ME1: variants seen among roughly 807,000 people sequenced by gnomAD.
The protein encoded by ME1 is NADP-dependent malic enzyme.
A neutral mutation model predicts 66.4 loss-of-function variants in ME1; 74 were observed. The ratio of observed to expected loss-of-function variants is 1.11; its 90% CI spans 0.92 to 1.35. ME1 has a LOEUF of 1.35. Ranked by LOEUF, ME1 falls within the 40% of genes most tolerant of loss-of-function variation. The pLI, the probability that ME1 is intolerant of heterozygous loss-of-function variation, is 0.00. For synonymous variants in ME1, 251 were observed against 235.6 expected (o/e 1.07, Z -0.60); for missense variants, 750 against 694.1 (o/e 1.08, Z -0.90).
At chr6:83,349,507 A>G (rs1346425776) in intron 4 of ME1, among the ~76,000 whole-genome samples, 1 of 152,222 alleles carries the variant, frequency 6.6e-6, no homozygotes. Context: ...CTGAATAGAA[A>G]CTTCTGTATG....
intron 4 of ME1, 138 bp downstream of exon 4, chr6:83,351,926 G>A: frequency 2.1e-6 from 1 of 468,050 alleles, no homozygotes; most frequent in Non-Finnish European, 3.8e-6. Flanking sequence ...AAATCAAAGG[G>A]ATATAAATTA....
At chr6:83,268,857 G>T (rs1767036607) in intron 6 of ME1, among the ~76,000 whole-genome samples, 1 of 151,876 alleles carries the variant, frequency 6.6e-6, no homozygotes, top group African/African-American at 2.4e-5. Flanking sequence ...CTCCCAAAGT[G>T]CGGGGGTTAT....
chr6:83,374,831 A>C (rs1769257090), intron 3 of ME1, among the ~76,000 whole-genome samples: 2 of 152,188 alleles, frequency 1.3e-5, no homozygotes, highest in South Asian at 4.1e-4. Flanking sequence ...CAGTTTTCCC[A>C]GCACCATTTA....
At chr6:83,263,392 G>C (rs1766931598) in intron 6 of ME1, among the ~76,000 whole-genome samples, 1 of 152,142 alleles carries the variant, frequency 6.6e-6, no homozygotes, top group South Asian at 2.1e-4. Flanking sequence ...TAGTGAGAAA[G>C]GAATGTTGAA....
At chr6:83,243,788 A>T (rs1790559006) in intron 7 of ME1, among the ~76,000 whole-genome samples, 1 of 134,372 alleles carries the variant, frequency 7.4e-6, no homozygotes, top group South Asian at 2.2e-4. Context: ...ATATATAATT[A>T]TCTTATATTT....
intron 3 of ME1, chr6:83,392,957 G>C: frequency 1.2e-6 from 1 of 836,184 alleles, no homozygotes. Context: ...CTGCCACCCA[G>C]AAGACTATGG....
intron 6 of ME1, among the ~76,000 whole-genome samples, chr6:83,266,973 T>C (rs1767000438): frequency 6.6e-6 from 1 of 152,156 alleles, no homozygotes; most frequent in African/African-American, 2.4e-5. Flanking sequence ...CAAGTATGCT[T>C]ATATTTCAGC....
chr6:83,381,981 G>C (rs1463567128), intron 3 of ME1, among the ~76,000 whole-genome samples: 3 of 151,854 alleles, frequency 2.0e-5, no homozygotes, highest in Non-Finnish European at 2.9e-5. Context: ...CACCTCCCCA[G>C]TCCCAGATCT....
At chr6:83,242,494 T>A (rs1790528787) in intron 7 of ME1, among the ~76,000 whole-genome samples, 1 of 151,948 alleles carries the variant, frequency 6.6e-6, no homozygotes, top group African/African-American at 2.4e-5. Context: ...TAGGCAAAGG[T>A]CAAGGCATTT....
chr6:83,310,257 G>A (rs1453240037), intron 6 of ME1, among the ~76,000 whole-genome samples: 5 of 152,024 alleles, frequency 3.3e-5, no homozygotes, highest in Non-Finnish European at 5.9e-5. Context: ...ATTGATGCAG[G>A]AATATAAAGC....
chr6:83,416,470 A>T (rs1770162163), intron 1 of ME1, among the ~76,000 whole-genome samples: 1 of 152,190 alleles, frequency 6.6e-6, no homozygotes, highest in Admixed American at 6.5e-5. Flanking sequence ...AAATTCACAG[A>T]CCTAATCACA....
intron 4 of ME1, among the ~76,000 whole-genome samples, chr6:83,351,722 G>C (rs1237991962): frequency 3.3e-5 from 5 of 151,932 alleles, no homozygotes; most frequent in Non-Finnish European, 7.4e-5. Flanking sequence ...TTTTTTTCTT[G>C]CCTACTTGGA....
intron 5 of ME1, among the ~76,000 whole-genome samples, chr6:83,323,467 A>G (rs1245561360): frequency 6.6e-6 from 1 of 151,476 alleles, no homozygotes; most frequent in African/African-American, 2.4e-5. Context: ...AGATTTACCA[A>G]GCAAATGGGA....
At chr6:83,364,733 CT>C (rs1190907743) in intron 3 of ME1, among the ~76,000 whole-genome samples, 27 of 150,370 alleles carry the variant, frequency 1.8e-4, no homozygotes, top group African/African-American at 6.7e-4. Flanking sequence ...ATCTATCTAT[CT>C]GTCATCTATC....
At chr6:83,377,893 G>A (rs1370480465) in intron 3 of ME1, among the ~76,000 whole-genome samples, 1 of 152,018 alleles carries the variant, frequency 6.6e-6, no homozygotes, top group Non-Finnish European at 1.5e-5. Context: ...ATTTAAAAAG[G>A]TTTGAGGCAA....
intron 6 of ME1, among the ~76,000 whole-genome samples, chr6:83,269,799 G>A (rs1158716640): frequency 6.6e-6 from 1 of 152,168 alleles, no homozygotes; most frequent in East Asian, 1.9e-4. Flanking sequence ...TTATTACAAT[G>A]AGATTCTAGT....
chr6:83,398,558 C>A, intron 2 of ME1, 42 bp from the exon 3 acceptor site: 2 of 1,004,920 alleles, frequency 2.0e-6, no homozygotes, highest in South Asian at 1.7e-5. Flanking sequence ...CCCATAAAGT[C>A]ATGAAATAGC....
chr6:83,321,271 A>T (rs570553491), intron 5 of ME1, among the ~76,000 whole-genome samples: 55 of 152,158 alleles, frequency 3.6e-4, no homozygotes, highest in African/African-American at 1.3e-3. Flanking sequence ...TTTTTTTTCC[A>T]TACCCCAGTG....
rs5877840 is a variant in ME1, at chr6:83,308,477, TA to T, written c.704+6832del. On this transcript the variant is annotated intron_variant, in intron 6 of 13. Coordinates refer to ENST00000369705, the MANE Select transcript of ME1 (RefSeq NM_002395.6). The stretch of plus-strand genomic sequence containing the variant: ...TAATTTTCAGGGGCAACTGATTCTG[TA>T]AAAAAAAAAAAAGGATACTATAAGG... 5.0e-3 allele frequency among the ~76,000 whole-genome samples: 684 copies of T among 137,280 alleles called. 1 individual carries two copies. Among genetic ancestry groups the T allele is most frequent in the Non-Finnish European group, 5.9e-3 (377 of 63,476 alleles). 90.1% of individuals were successfully genotyped at this position (137,280 alleles called of 152,430 possible).
Sources: allele counts gnomAD v4.1 joint callset (sites outside exome capture counted in the v4.1 genomes callset), GRCh38; gene constraint gnomAD v4.1.1; transcripts MANE v1.5; gene names NCBI Gene and HGNC (gene_info 2026-07-23, HGNC 2026-07-21).